Variants in STT3B observed in about 807,000 individuals in gnomAD.
STT3B encodes the protein STT3 oligosaccharyltransferase complex catalytic subunit B, also known as dolichyl-diphosphooligosaccharide--protein glycosyltransferase subunit STT3B.
A neutral mutation model predicts 96.8 loss-of-function variants in STT3B; 29 were observed. The ratio of observed to expected loss-of-function variants is 0.30; its 90% CI spans 0.22 to 0.41. The LOEUF (loss-of-function observed/expected upper bound fraction) is 0.41. Among genes scored for constraint, STT3B ranks in the 10% least tolerant of loss-of-function variants. The probability of loss-of-function intolerance (pLI) is 1.00; values close to 1 mark genes in which losing one functional copy is unlikely to be tolerated. For synonymous variants in STT3B, 367 were observed against 360.0 expected (o/e 1.02, Z -0.22); for missense variants, 640 against 1,022.3 (o/e 0.63, Z 5.10).
intron 5 of STT3B, among the ~76,000 whole-genome samples, chr3:31,611,410 A>T (rs1370060513): frequency 6.6e-6 from 1 of 152,200 alleles, no homozygotes; most frequent in Non-Finnish European, 1.5e-5. Flanking sequence ...TAAATGCATA[A>T]ATTGAAGAGG....
chr3:31,572,526 A>G (rs558916330), intron 1 of STT3B, among the ~76,000 whole-genome samples: 3 of 152,172 alleles, frequency 2.0e-5, no homozygotes, highest in South Asian at 2.1e-4. Context: ...TGTTCTTACT[A>G]TTGACTAAGT....
In STT3B at chr3:31,632,408, A is replaced by G. The variant is rs566689460; in HGVS notation, c.2188-527A>G. Among the ~76,000 whole-genome samples the G allele has an allele frequency of 3.8e-3, 585 of 152,326 alleles. 5 individuals are homozygous for G. Among genetic ancestry groups the G allele is most frequent in the Non-Finnish European group, 5.1e-3 (349 of 68,022 alleles). On this transcript the variant is annotated intron_variant, in intron 14 of 15. Transcript: ENST00000295770. ...TTTTTAGCGTTAAGTAAAGATGTTA[A>G]TAATATATGTTATGGGGTAAAAGAA... is the stretch of plus-strand genomic sequence containing the variant.
At position 31,588,888 on chromosome 3, in the gene STT3B, C is replaced by G. The variant is rs1575428312; in HGVS notation, c.712-7910C>G. Among the ~76,000 whole-genome samples the G allele has an allele frequency of 2.0e-5, 3 of 152,104 alleles. No individual in the cohort carries two copies. The South Asian group carries it at 6.2e-4, about 32-fold the overall frequency. On this transcript the variant is annotated intron_variant, in intron 3 of 15. Coordinates refer to ENST00000295770, the MANE Select transcript of STT3B (RefSeq NM_178862.3). ...TTCTTTTCCCACACTGTCTTGATTA[C>G]TGTAGTTGTATGATAAGTCTTGAAG...
chr3:31,560,873 A>G (rs1396628794), intron 1 of STT3B, among the ~76,000 whole-genome samples: 4 of 152,030 alleles, frequency 2.6e-5, no homozygotes, highest in African/African-American at 4.8e-5. Flanking sequence ...TTCACCTTCT[A>G]GGACACTGAA....
At chr3:31,564,732 G>A (rs1355817162) in intron 1 of STT3B, among the ~76,000 whole-genome samples, 1 of 152,068 alleles carries the variant, frequency 6.6e-6, no homozygotes, top group African/African-American at 2.4e-5. Flanking sequence ...TAGAATGCAA[G>A]GTGCAAAGTT....
rs76400963 is a variant in STT3B at position 31,596,870 on chromosome 3, T to G, written c.777+7T>G. 22,355 of 1,606,354 alleles carry G rather than the reference T, an allele frequency of 0.014. 227 individuals are homozygous for G. The highest frequency in any genetic ancestry group is 0.016 in the Non-Finnish European group (18,573 of 1,173,950). The stretch of plus-strand genomic sequence containing the variant: ...CTTATCCTATTTCTATATGGTAAGA[T>G]TTCATATTTGAGACTACATGAAGTC... On this transcript the variant is annotated splice_region_variant and intron_variant, in intron 4 of 15. Coordinates refer to ENST00000295770, the MANE Select transcript of STT3B (RefSeq NM_178862.3).
At chr3:31,593,541 C>G (rs1219461045) in intron 3 of STT3B, among the ~76,000 whole-genome samples, 1 of 151,986 alleles carries the variant, frequency 6.6e-6, no homozygotes, top group Non-Finnish European at 1.5e-5. Flanking sequence ...ATCTGTCTGT[C>G]TTTGTAGCCT....
At chr3:31,616,891 A>C (rs1475043514) in intron 6 of STT3B, 38 bp from the exon 7 acceptor site, 2 of 1,546,924 alleles carry the variant, frequency 1.3e-6, no homozygotes, top group Non-Finnish European at 1.8e-6. Flanking sequence ...ACCTTGGAAA[A>C]CTGCTTTGTT....
chr3:31,553,984 A>G (rs573805721), intron 1 of STT3B, among the ~76,000 whole-genome samples: 1 of 152,338 alleles, frequency 6.6e-6, no homozygotes, highest in South Asian at 2.1e-4. Flanking sequence ...TGCATTTTTA[A>G]GAAAAATATT....
chr3:31,583,984 A>G (rs995035417), intron 3 of STT3B, among the ~76,000 whole-genome samples: 2 of 152,080 alleles, frequency 1.3e-5, no homozygotes, highest in Non-Finnish European at 2.9e-5. Context: ...ATTTAAGGAA[A>G]CTGTTGGCCT....
At chr3:31,557,653 G>C (rs990579928) in intron 1 of STT3B, among the ~76,000 whole-genome samples, 30 of 151,680 alleles carry the variant, frequency 2.0e-4, no homozygotes, top group Admixed American at 1.4e-3. Flanking sequence ...ATTTTTTTGA[G>C]ACGGAGTCTT....
intron 1 of STT3B, among the ~76,000 whole-genome samples, chr3:31,567,544 C>A (rs185887271): frequency 1.5e-4 from 23 of 152,216 alleles, no homozygotes; most frequent in African/African-American, 4.8e-4. Flanking sequence ...TTAATTTATT[C>A]TTAGGCATTT....
In STT3B at chr3:31,636,687, C is replaced by G. The variant is rs1254461744; in HGVS notation, c.*623C>G. ...TGGACCTCTGAGTAGCTAATTGATT[C>G]AAGTAGTTTTTTTATGTTGACACAT... On this transcript the variant is annotated 3_prime_UTR_variant, in exon 16 of 16. Transcript: ENST00000295770. The G allele has an allele frequency of 1.3e-5, 2 of 152,118 alleles. No homozygotes were observed. The highest frequency in any genetic ancestry group is 2.1e-4 in the South Asian group (1 of 4,828). The allele number at this position is 152,118 out of a possible 1,614,324, so 9.4% of individuals were successfully genotyped here.
At chr3:31,630,458 T>C (rs1217945747) in intron 14 of STT3B, among the ~76,000 whole-genome samples, 1 of 152,222 alleles carries the variant, frequency 6.6e-6, no homozygotes, top group African/African-American at 2.4e-5. Context: ...TTGTTAAGCA[T>C]GCTATAAAAG....
At chr3:31,554,180 A>G (rs1697636761) in intron 1 of STT3B, among the ~76,000 whole-genome samples, 1 of 152,186 alleles carries the variant, frequency 6.6e-6, no homozygotes, top group Non-Finnish European at 1.5e-5. Context: ...TAAAAATCAG[A>G]TTTTAAGAAA....
At chr3:31,616,878 A>G (rs1699318060) in intron 6 of STT3B, 51 bp from the exon 7 acceptor site, 2 of 1,518,230 alleles carry the variant, frequency 1.3e-6, no homozygotes, top group Admixed American at 3.7e-5. Flanking sequence ...AAGTTTTTAA[A>G]TGACCTTGGA....
At position 31,614,018 on chromosome 3, in the gene STT3B, T is replaced by A. The variant is rs112448164; in HGVS notation, c.878-1087T>A. On this transcript the variant is annotated intron_variant, in intron 5 of 15. Coordinates refer to ENST00000295770, the MANE Select transcript of STT3B (RefSeq NM_178862.3). The stretch of plus-strand genomic sequence containing the variant: ...TGTGGTCATCTCTTATCATATAGAT[T>A]GTGAGGCAACTTAATATTTGAACCA... Among the ~76,000 whole-genome samples the A allele has an allele frequency of 2.6e-3, 390 of 152,076 alleles. 2 individuals are homozygous for A. Among genetic ancestry groups the A allele is most frequent in the African/African-American group, 9.2e-3 (382 of 41,532 alleles).
intron 1 of STT3B, among the ~76,000 whole-genome samples, chr3:31,541,868 G>A (rs1236278021): frequency 2.0e-5 from 3 of 152,084 alleles, no homozygotes; most frequent in African/African-American, 7.2e-5. Context: ...GAGCCACCAC[G>A]CCCGGCATTT....
intron 5 of STT3B, among the ~76,000 whole-genome samples, chr3:31,610,818 A>G (rs1162353249): frequency 1.3e-5 from 2 of 152,160 alleles, no homozygotes; most frequent in Non-Finnish European, 2.9e-5. Context: ...TATCTTTCTA[A>G]TGGTAATTTT....
Sources: gnomAD v4.1 joint callset for allele counts (sites outside exome capture counted in the v4.1 genomes callset) on GRCh38, gnomAD v4.1.1 for gene constraint, MANE v1.5 for transcripts, NCBI Gene and HGNC (gene_info 2026-07-23, HGNC 2026-07-21) for gene names.